Variants in SLC24A2 observed in about 807,000 individuals in gnomAD.
The protein encoded by SLC24A2 is sodium/potassium/calcium exchanger 2.
Under a neutral mutation model 62.0 loss-of-function variants are expected in SLC24A2, and 36 were observed. That is an observed-to-expected ratio of 0.58 (90% CI 0.44 to 0.77). SLC24A2 has a LOEUF of 0.77. SLC24A2 is among the 30% of genes least tolerant of loss of function. The pLI, the probability that SLC24A2 is intolerant of heterozygous loss-of-function variation, is 0.00. For missense variants in SLC24A2, 846 were observed against 817.9 expected (o/e 1.03, Z -0.42); for synonymous variants, 358 against 294.0 (o/e 1.22, Z -2.23).
At chr9:19,726,411 G>T (rs1219241202) in intron 2 of SLC24A2, among the ~76,000 whole-genome samples, 2 of 152,088 alleles carry the variant, frequency 1.3e-5, no homozygotes, top group African/African-American at 4.8e-5. Flanking sequence ...CATTTATGTT[G>T]ATTTTGTTTG....
chr9:20,258,383 G>C, the SLC24A2 span, among the ~76,000 whole-genome samples: 1 of 152,232 alleles, frequency 6.6e-6, no homozygotes, highest in Admixed American at 6.5e-5. Context: ...TTATCTTTGA[G>C]GGTGTTTTCA....
chr9:19,858,830 T>C, the SLC24A2 span, among the ~76,000 whole-genome samples: 2 of 152,104 alleles, frequency 1.3e-5, no homozygotes. Context: ...ATCAGTATTA[T>C]TAAAAAGTCA....
the SLC24A2 span, among the ~76,000 whole-genome samples, chr9:20,011,207 C>G: frequency 6.6e-6 from 1 of 152,116 alleles, no homozygotes; most frequent in African/African-American, 2.4e-5. Context: ...AATGGTTGGA[C>G]TAGTTTACAG....
the SLC24A2 span, among the ~76,000 whole-genome samples, chr9:20,136,118 G>T: frequency 6.6e-6 from 1 of 152,286 alleles, no homozygotes; most frequent in African/African-American, 2.4e-5. Context: ...CACGACAGAA[G>T]CCTGGAAGAG....
chr9:19,733,390 T>C (rs186241666), intron 2 of SLC24A2, among the ~76,000 whole-genome samples: 3 of 152,316 alleles, frequency 2.0e-5, no homozygotes, highest in African/African-American at 4.8e-5. Flanking sequence ...TTCCGTTCTC[T>C]TACAATATCC....
chr9:19,997,934 C>T, the SLC24A2 span, among the ~76,000 whole-genome samples: 2 of 152,160 alleles, frequency 1.3e-5, no homozygotes, highest in Non-Finnish European at 2.9e-5. Flanking sequence ...TTCTCTGGCT[C>T]TTTCCAATAG....
the SLC24A2 span, among the ~76,000 whole-genome samples, chr9:20,128,647 A>T: frequency 5.3e-4 from 81 of 152,186 alleles, 1 homozygote; most frequent in African/African-American, 1.9e-3. Flanking sequence ...AGAATCCAGA[A>T]ACAAATCCTA....
At chr9:20,029,179 C>T in the SLC24A2 span, among the ~76,000 whole-genome samples, 1 of 152,198 alleles carries the variant, frequency 6.6e-6, no homozygotes, top group Non-Finnish European at 1.5e-5. Context: ...AGGGGCCAAA[C>T]CAGCATGGTC....
At chr9:20,298,857 C>T in the SLC24A2 span, among the ~76,000 whole-genome samples, 1 of 152,196 alleles carries the variant, frequency 6.6e-6, no homozygotes, top group South Asian at 2.1e-4. Context: ...ATTTCCTTTG[C>T]CCTTCTCCTT....
At chr9:19,858,574 GAGA>G in the SLC24A2 span, among the ~76,000 whole-genome samples, 1 of 152,148 alleles carries the variant, frequency 6.6e-6, no homozygotes, top group African/African-American at 2.4e-5. Flanking sequence ...TACAGAATGG[GAGA>G]AAATATCTGC....
intron 7 of SLC24A2, among the ~76,000 whole-genome samples, chr9:19,551,561 C>G (rs1224512445): frequency 1.3e-5 from 2 of 152,124 alleles, no homozygotes; most frequent in African/African-American, 4.8e-5. Flanking sequence ...CTAAAAATAT[C>G]AACAGGAACT....
In SLC24A2 at chr9:19,563,816, TCCTTCCTTCCTCCCTCCCTC is replaced by T. The variant is rs1835526995; in HGVS notation, c.1347+9515_1347+9534del. 7.5e-5 allele frequency among the ~76,000 whole-genome samples: 8 copies of T among 106,752 alleles called. No homozygotes were observed. The South Asian group carries it at 1.4e-3, about 19-fold the overall frequency. The allele number at this position is 106,752 out of a possible 152,430, so 70.0% of individuals were successfully genotyped here. On this transcript the variant is annotated intron_variant, in intron 7 of 10. Transcript: ENST00000341998. Reference sequence around the variant, plus strand: ...AATGACCCTTCCTTCCTTCCTTCCTTCCTTCCTTCCTCCCTCCCTCCCTCCCTCCCTCCCTCCCTCCCTCC... The same window carrying T: ...AATGACCCTTCCTTCCTTCCTTCCTTCCTCCCTCCCTCCCTCCCTCCCTCC...
the SLC24A2 span, among the ~76,000 whole-genome samples, chr9:20,271,841 A>G: frequency 2.0e-5 from 3 of 152,386 alleles, no homozygotes; most frequent in South Asian, 6.2e-4. Context: ...ACTAAAAAAT[A>G]AAGAAAATTA....
chr9:20,276,825 TGGGG>T, the SLC24A2 span, among the ~76,000 whole-genome samples: 2 of 152,242 alleles, frequency 1.3e-5, no homozygotes, highest in African/African-American at 4.8e-5. Flanking sequence ...CACCAAAGTT[TGGGG>T]CTTGCACCCT....
chr9:19,888,841 G>C, the SLC24A2 span, among the ~76,000 whole-genome samples: 8 of 152,148 alleles, frequency 5.3e-5, no homozygotes, highest in Non-Finnish European at 1.2e-4. Context: ...AATGGGACAG[G>C]AAAACAAGGA....
rs553786550 is a variant in SLC24A2 at position 19,646,200 on chromosome 9, G to C, written c.931-23901C>G. Reference sequence around the variant, plus strand: ...ACTAATAGTCATATCAGTATGTTCTGGTGCCTATAAATCTTCTTAGATGCT... The same window carrying C: ...ACTAATAGTCATATCAGTATGTTCTCGTGCCTATAAATCTTCTTAGATGCT... On this transcript the variant is annotated intron_variant, in intron 2 of 10. Coordinates refer to ENST00000341998, the MANE Select transcript of SLC24A2 (RefSeq NM_020344.4). 2.0e-5 allele frequency among the ~76,000 whole-genome samples: 3 copies of C among 152,240 alleles called. No homozygotes were observed. The South Asian group carries it at 6.2e-4, about 32-fold the overall frequency.
At chr9:20,026,481 G>C in the SLC24A2 span, among the ~76,000 whole-genome samples, 2 of 152,266 alleles carry the variant, frequency 1.3e-5, no homozygotes, top group South Asian at 4.1e-4. Context: ...CTCTTTAAGA[G>C]AGGAAATAAA....
At chr9:19,989,419 A>T in the SLC24A2 span, among the ~76,000 whole-genome samples, 1 of 152,170 alleles carries the variant, frequency 6.6e-6, no homozygotes, top group African/African-American at 2.4e-5. Context: ...AAAAAACATG[A>T]GTGCACTACT....
At chr9:20,079,730 T>G in the SLC24A2 span, among the ~76,000 whole-genome samples, 1 of 152,188 alleles carries the variant, frequency 6.6e-6, no homozygotes, top group Non-Finnish European at 1.5e-5. Context: ...GGCTCTCTGT[T>G]TGTCTGTTAG....
Sources: gnomAD v4.1 joint callset for allele counts (sites outside exome capture counted in the v4.1 genomes callset) on GRCh38, gnomAD v4.1.1 for gene constraint, MANE v1.5 for transcripts, NCBI Gene and HGNC (gene_info 2026-07-23, HGNC 2026-07-21) for gene names.